RBFOX1: variants seen among roughly 807,000 people sequenced by gnomAD.
RBFOX1 encodes the protein RNA binding protein fox-1 homolog 1.
In RBFOX1, 8 loss-of-function variants were observed where a neutral mutation model predicts 57.7. The ratio of observed to expected loss-of-function variants is 0.14; its 90% confidence interval spans 0.08 to 0.25. RBFOX1 has a LOEUF of 0.25. Among genes scored for constraint, RBFOX1 ranks in the 10% least tolerant of loss-of-function variants. The probability of loss-of-function intolerance (pLI) is 1.00; values close to 1 mark genes in which losing one functional copy is unlikely to be tolerated. For missense variants in RBFOX1, 611 were observed against 548.5 expected, an observed-to-expected ratio of 1.11 and a Z score of -1.14; for synonymous variants, 326 against 222.4, an observed-to-expected ratio of 1.47 and a Z score of -4.15.
intron 3 of RBFOX1, among the ~76,000 whole-genome samples, chr16:7,050,235 T>A (rs539746323): frequency 1.3e-5 from 2 of 150,600 alleles, no homozygotes; most frequent in Non-Finnish European, 3.0e-5. Context: ...TTTTCCTCTT[T>A]AGCTTCTTTT....
chr16:6,008,019 C>T (rs1394175750), intron 4 of RBFOX1, among the ~76,000 whole-genome samples: 5 of 152,098 alleles, frequency 3.3e-5, no homozygotes, highest in Non-Finnish European at 4.4e-5. Context: ...TTTTCACCAA[C>T]ATGTTGAAAC....
intron 3 of RBFOX1, among the ~76,000 whole-genome samples, chr16:6,813,891 G>C (rs1313190075): frequency 6.6e-6 from 1 of 152,052 alleles, no homozygotes; most frequent in Non-Finnish European, 1.5e-5. Context: ...AGGTAATGAA[G>C]GGAGATAATG....
At chr16:6,301,793 G>A (rs1046280943) in intron 1 of RBFOX1, among the ~76,000 whole-genome samples, 1 of 152,076 alleles carries the variant, frequency 6.6e-6, no homozygotes, top group Admixed American at 6.6e-5. Flanking sequence ...AAAACATGAG[G>A]CTTTACCTAT....
chr16:6,235,362 C>T (rs1396368457), intron 1 of RBFOX1, among the ~76,000 whole-genome samples: 1 of 152,064 alleles, frequency 6.6e-6, no homozygotes, highest in Non-Finnish European at 1.5e-5. Context: ...CCTCCCTTTC[C>T]ACCAGCCCCA....
chr16:6,523,897 T>C (rs1440880532), intron 2 of RBFOX1, among the ~76,000 whole-genome samples: 1 of 152,188 alleles, frequency 6.6e-6, no homozygotes, highest in Non-Finnish European at 1.5e-5. Context: ...TAGGTATAGA[T>C]ACTTATGGGA....
At chr16:6,563,278 CATT>C (rs1375361722) in intron 2 of RBFOX1, among the ~76,000 whole-genome samples, 20 of 152,288 alleles carry the variant, frequency 1.3e-4, no homozygotes, top group Middle Eastern at 3.4e-3. Context: ...TGTCTGTTGA[CATT>C]ATTCTTTATG....
intron 1 of RBFOX1, among the ~76,000 whole-genome samples, chr16:5,320,862 G>A (rs147766584): frequency 3.9e-5 from 6 of 152,276 alleles, no homozygotes; most frequent in Admixed American, 3.3e-4. Flanking sequence ...CTGTGTGTGC[G>A]CAGCTGAACC....
chr16:7,027,103 G>A (rs1308301095), intron 3 of RBFOX1, among the ~76,000 whole-genome samples: 2 of 152,048 alleles, frequency 1.3e-5, no homozygotes, highest in South Asian at 2.1e-4. Context: ...TCCTGAACCC[G>A]TCTCTCCTAA....
intron 3 of RBFOX1, among the ~76,000 whole-genome samples, chr16:6,925,388 G>A (rs531661289): frequency 5.9e-5 from 9 of 151,826 alleles, no homozygotes; most frequent in East Asian, 1.9e-4. Context: ...GTCTCCGAAC[G>A]TGCCGGGATT....
At chr16:7,032,497 G>A (rs2043068514) in intron 3 of RBFOX1, among the ~76,000 whole-genome samples, 1 of 151,826 alleles carries the variant, frequency 6.6e-6, no homozygotes, top group African/African-American at 2.4e-5. Context: ...ATTTTTTAAA[G>A]GAAAAAAATA....
At chr16:6,314,693 C>G (rs896649860) in intron 1 of RBFOX1, among the ~76,000 whole-genome samples, 1 of 152,034 alleles carries the variant, frequency 6.6e-6, no homozygotes, top group African/African-American at 2.4e-5. Context: ...TTGAACCTGA[C>G]CATGGTAGCT....
chr16:6,474,573 T>C (rs926743391), intron 2 of RBFOX1, among the ~76,000 whole-genome samples: 1 of 152,226 alleles, frequency 6.6e-6, no homozygotes, highest in African/African-American at 2.4e-5. Context: ...ACCTTTGTTT[T>C]CTATGTCTGG....
intron 2 of RBFOX1, among the ~76,000 whole-genome samples, chr16:5,552,991 A>G (rs958297862): frequency 1.3e-5 from 2 of 152,194 alleles, no homozygotes; most frequent in African/African-American, 4.8e-5. Flanking sequence ...AGGGACATGG[A>G]TGAAGCTGGA....
At chr16:7,140,157 CCT>C (rs57128710) in intron 4 of RBFOX1, among the ~76,000 whole-genome samples, 4,657 of 70,738 alleles carry the variant, frequency 0.066, 164 homozygotes, top group African/African-American at 0.091. Context: ...TCCTTCTCTC[CCT>C]CTCTCTCTCT....
At chr16:6,925,488 A>G (rs760809460) in intron 3 of RBFOX1, among the ~76,000 whole-genome samples, 13 of 142,294 alleles carry the variant, frequency 9.1e-5, no homozygotes, top group Non-Finnish European at 3.1e-5. Context: ...TTATTGTCCT[A>G]TCCACCCTAT....
intron 3 of RBFOX1, among the ~76,000 whole-genome samples, chr16:7,014,671 G>A (rs1038700213): frequency 6.6e-6 from 1 of 152,136 alleles, no homozygotes; most frequent in Non-Finnish European, 1.5e-5. Context: ...TCAAGGTAAT[G>A]GGAATGGAAT....
At chr16:6,250,669 G>T (rs1197701620) in intron 1 of RBFOX1, among the ~76,000 whole-genome samples, 1 of 152,096 alleles carries the variant, frequency 6.6e-6, no homozygotes, top group South Asian at 2.1e-4. Context: ...TGCACCAGTC[G>T]GGGAAGCCTG....
chr16:6,207,861 A>T, intron 1 of RBFOX1, among the ~76,000 whole-genome samples: 1 of 152,056 alleles, frequency 6.6e-6, no homozygotes, highest in East Asian at 1.9e-4. Flanking sequence ...CTAATTAAAA[A>T]AAAATTTTTT....
intron 2 of RBFOX1, among the ~76,000 whole-genome samples, chr16:6,538,589 A>T (rs1462560589): frequency 1.3e-5 from 2 of 152,232 alleles, no homozygotes; most frequent in African/African-American, 4.8e-5. Context: ...AACAGAAGGT[A>T]ACAAATGTTG....
Sources: allele counts gnomAD v4.1 joint callset (sites outside exome capture counted in the v4.1 genomes callset), GRCh38; gene constraint gnomAD v4.1.1; transcripts MANE v1.5; gene names NCBI Gene and HGNC (gene_info 2026-07-23, HGNC 2026-07-21).